DOCK2: variants seen among roughly 807,000 people sequenced by gnomAD.
DOCK2 encodes the protein dedicator of cytokinesis 2.
In DOCK2, 87 loss-of-function variants were observed where a neutral mutation model predicts 248.9. The observed-to-expected ratio is 0.35, with a 90% confidence interval of 0.29 to 0.42. The LOEUF is 0.42. Ranked by LOEUF, DOCK2 falls within the 10% of genes least tolerant of loss-of-function variation. The pLI is 1.00. For synonymous variants in DOCK2, 805 were observed against 821.6 expected (o/e 0.98, Z 0.35); for missense variants, 1,747 against 2,300.2 (o/e 0.76, Z 4.92).
intron 40 of DOCK2, 42 bp downstream of exon 40, chr5:170,047,656 G>C: frequency 6.4e-7 from 1 of 1,566,484 alleles, no homozygotes; most frequent in South Asian, 1.1e-5. Flanking sequence ...AGAGCCCCAG[G>C]GCCTCGGCAT....
At position 169,893,971 on chromosome 5, in the gene DOCK2, A is replaced by G. The variant is rs1773444369; in HGVS notation, c.2799+53119A>G. ...AGATTGTCTAAAGAAATTATGAATA[A>G]AATTGGAAAAGTCTTTCCATTCTGA... On this transcript the variant is annotated intron_variant, in intron 27 of 51. Coordinates refer to ENST00000520908, the MANE Select transcript of DOCK2 (RefSeq NM_004946.3). Among the ~76,000 whole-genome samples the G allele has an allele frequency of 3.3e-5, 5 of 152,338 alleles. No homozygotes were observed. The South Asian group carries it at 1.0e-3, about 32-fold the overall frequency.
chr5:169,715,491 A>T (rs1221934408), intron 19 of DOCK2, among the ~76,000 whole-genome samples: 1 of 152,160 alleles, frequency 6.6e-6, no homozygotes, highest in African/African-American at 2.4e-5. Context: ...ATGGCAGAGT[A>T]ACTCCCCAAG....
At chr5:169,970,916 G>C (rs1273620267) in intron 27 of DOCK2, among the ~76,000 whole-genome samples, 1 of 151,758 alleles carries the variant, frequency 6.6e-6, no homozygotes, top group African/African-American at 2.4e-5. Context: ...ATGGGAGCTG[G>C]GTGCAGGAAG....
At chr5:169,873,304 C>G (rs908884224) in intron 27 of DOCK2, among the ~76,000 whole-genome samples, 3 of 152,126 alleles carry the variant, frequency 2.0e-5, no homozygotes, top group African/African-American at 7.2e-5. Flanking sequence ...GAAATTTTAC[C>G]TTTTACATTT....
chr5:169,890,742 A>G (rs1048695795), intron 27 of DOCK2, among the ~76,000 whole-genome samples: 2 of 152,164 alleles, frequency 1.3e-5, no homozygotes, highest in Admixed American at 6.6e-5. Flanking sequence ...GATGTTGGAT[A>G]TGTGCTGATT....
intron 27 of DOCK2, among the ~76,000 whole-genome samples, chr5:169,858,298 C>G (rs574815156): frequency 6.6e-4 from 100 of 152,252 alleles, no homozygotes; most frequent in African/African-American, 2.4e-3. Context: ...TCCCTTGTGC[C>G]AGGCAAATGT....
intron 32 of DOCK2, among the ~76,000 whole-genome samples, chr5:170,016,983 T>A (rs1755560426): frequency 6.6e-6 from 1 of 152,210 alleles, no homozygotes; most frequent in Non-Finnish European, 1.5e-5. Context: ...ATAATGAAGC[T>A]TATATCCTGG....
chr5:169,823,076 G>A (rs977787272), intron 26 of DOCK2, among the ~76,000 whole-genome samples: 26 of 152,230 alleles, frequency 1.7e-4, no homozygotes, highest in African/African-American at 6.3e-4. Context: ...CCAAGAAGAA[G>A]TTGAATGTCT....
At chr5:169,769,828 C>T (rs537595599) in intron 25 of DOCK2, among the ~76,000 whole-genome samples, 3 of 152,352 alleles carry the variant, frequency 2.0e-5, no homozygotes, top group East Asian at 3.9e-4. Context: ...TCCATCATGA[C>T]ACTTGACATA....
chr5:169,850,343 G>A (rs1581282583), intron 27 of DOCK2, among the ~76,000 whole-genome samples: 5 of 152,286 alleles, frequency 3.3e-5, no homozygotes, highest in Admixed American at 3.3e-4. Flanking sequence ...GAGTCTGCCA[G>A]GGCTCAAAGC....
At chr5:169,941,446 G>A (rs1471181903) in intron 27 of DOCK2, among the ~76,000 whole-genome samples, 2 of 152,140 alleles carry the variant, frequency 1.3e-5, no homozygotes, top group Non-Finnish European at 2.9e-5. Context: ...CAGAGGGCAG[G>A]TGGAGTGGGA....
intron 25 of DOCK2, among the ~76,000 whole-genome samples, chr5:169,771,446 G>C (rs1765080970): frequency 6.6e-6 from 1 of 152,030 alleles, no homozygotes; most frequent in Non-Finnish European, 1.5e-5. Flanking sequence ...ACCACGCCTG[G>C]CTAATTTTTG....
intron 25 of DOCK2, among the ~76,000 whole-genome samples, chr5:169,774,196 A>T (rs1452175278): frequency 1.3e-5 from 2 of 152,180 alleles, no homozygotes; most frequent in African/African-American, 4.8e-5. Flanking sequence ...TTTGCTGCAG[A>T]TTCATTTCAG....
chr5:169,798,027 C>T (rs754594452), intron 25 of DOCK2, among the ~76,000 whole-genome samples: 1 of 152,188 alleles, frequency 6.6e-6, no homozygotes, highest in Admixed American at 6.5e-5. Context: ...GCTGACTCTC[C>T]ACACCATGAG....
At chr5:169,849,885 T>C (rs1210392499) in intron 27 of DOCK2, among the ~76,000 whole-genome samples, 1 of 152,168 alleles carries the variant, frequency 6.6e-6, no homozygotes, top group East Asian at 1.9e-4. Context: ...CACAACCACC[T>C]CTTACGGTTG....
chr5:169,752,934 G>A (rs1387092394), intron 23 of DOCK2, among the ~76,000 whole-genome samples: 2 of 152,016 alleles, frequency 1.3e-5, no homozygotes, highest in East Asian at 1.9e-4. Flanking sequence ...GCGTGGTGGC[G>A]GGTGCCTGTA....
intron 30 of DOCK2, among the ~76,000 whole-genome samples, chr5:170,006,557 G>T (rs1478418107): frequency 6.6e-6 from 1 of 152,116 alleles, no homozygotes; most frequent in African/African-American, 2.4e-5. Flanking sequence ...GTTTTAAAAG[G>T]TTCTTCTGGT....
At chr5:169,699,900 G>A in intron 12 of DOCK2, 114 bp from the exon 13 acceptor site, 1 of 1,486,834 alleles carries the variant, frequency 6.7e-7, no homozygotes, top group Non-Finnish European at 9.1e-7. Context: ...ATCTGTGGCT[G>A]TATGACTCTG....
At chr5:169,936,578 C>CTT (rs4041977) in intron 27 of DOCK2, among the ~76,000 whole-genome samples, 5,305 of 122,772 alleles carry the variant, frequency 0.043, 296 homozygotes, top group African/African-American at 0.12. Context: ...TCTCAGACTC[C>CTT]TTTTTTTTTT....
Sources: allele counts gnomAD v4.1 joint callset (sites outside exome capture counted in the v4.1 genomes callset), GRCh38; gene constraint gnomAD v4.1.1; transcripts MANE v1.5; gene names NCBI Gene and HGNC (gene_info 2026-07-23, HGNC 2026-07-21).